Variants in PRKX observed in about 807,000 individuals in gnomAD.
PRKX encodes protein kinase cAMP-dependent X-linked catalytic subunit.
PRKX carries 12 observed loss-of-function variants against 22.0 expected under a neutral mutation model. The observed-to-expected ratio is 0.54, with a 90% CI of 0.35 to 0.88. The LOEUF (loss-of-function observed/expected upper bound fraction) is 0.88. Among genes scored for constraint, PRKX ranks in the 40% least tolerant of loss-of-function variants. The pLI, the probability that PRKX is intolerant of heterozygous loss-of-function variation, is 0.01. For missense variants in PRKX, 217 were observed against 308.0 expected, an observed-to-expected ratio of 0.70 and a Z score of 2.21; for synonymous variants, 134 against 137.7, an observed-to-expected ratio of 0.97 and a Z score of 0.19.
At chrX:3,661,687 T>A (rs1172144963) in intron 2 of PRKX, among the ~76,000 whole-genome samples, 1 of 111,719 alleles carries the variant, frequency 9.0e-6, no homozygotes. Context: ...AAAGAGATAC[T>A]GACTTTACTA....
At chrX:3,644,240 A>G (rs1323531342) in intron 3 of PRKX, among the ~76,000 whole-genome samples, 1 of 102,450 alleles carries the variant, frequency 9.8e-6, no homozygotes, top group Non-Finnish European at 2.0e-5. Context: ...TTTACAAAAA[A>G]AAAAAAAAAA....
At chrX:3,609,738 G>A (rs1323778019) in intron 8 of PRKX, among the ~76,000 whole-genome samples, 3 of 111,764 alleles carry the variant, frequency 2.7e-5, no homozygotes, top group Non-Finnish European at 5.6e-5. Flanking sequence ...TTACAGGTAG[G>A]AGCCACCACA....
chrX:3,619,219 G>A (rs1291500229), intron 6 of PRKX, among the ~76,000 whole-genome samples: 1 of 112,298 alleles, frequency 8.9e-6, no homozygotes, highest in Non-Finnish European at 1.9e-5. Flanking sequence ...CAGAGGAGGA[G>A]ACACAAACAT....
chrX:3,610,139 T>A (rs1926262899), intron 8 of PRKX, among the ~76,000 whole-genome samples: 1 of 112,071 alleles, frequency 8.9e-6, no homozygotes, highest in South Asian at 3.7e-4. Context: ...ATGCCAGGGA[T>A]GTGTTTGGTG....
chrX:3,651,672 C>T (rs1411433711), intron 3 of PRKX, among the ~76,000 whole-genome samples: 1 of 111,479 alleles, frequency 9.0e-6, no homozygotes, highest in African/African-American at 3.3e-5. Flanking sequence ...AAAACTGCCC[C>T]CACATCAAGT....
At chrX:3,703,940 G>A (rs1480036662) in intron 1 of PRKX, among the ~76,000 whole-genome samples, 1 of 110,362 alleles carries the variant, frequency 9.1e-6, no homozygotes, top group African/African-American at 3.3e-5. Context: ...CCAAATTGCT[G>A]GAATTACAGG....
chrX:3,616,890 GAATAA>G (rs201841598), intron 6 of PRKX, among the ~76,000 whole-genome samples: 1 of 111,177 alleles, frequency 9.0e-6, no homozygotes, highest in Non-Finnish European at 1.9e-5. Context: ...GTGAATAAGA[GAATAA>G]AATAAATTTT....
At chrX:3,617,752 G>A (rs1291409328) in intron 6 of PRKX, among the ~76,000 whole-genome samples, 1 of 111,097 alleles carries the variant, frequency 9.0e-6, no homozygotes, top group Admixed American at 9.7e-5. Flanking sequence ...TGTTGCTCCT[G>A]TAAGATTATA....
chrX:3,666,021 T>G (rs1309044960), intron 2 of PRKX, among the ~76,000 whole-genome samples: 14 of 109,423 alleles, frequency 1.3e-4, no homozygotes, highest in Non-Finnish European at 2.5e-4. Flanking sequence ...TTCTGTTTTT[T>G]TTTTTTTGAG....
intron 3 of PRKX, among the ~76,000 whole-genome samples, chrX:3,650,520 C>CAAAAAAA (rs748871957): frequency 1.6e-4 from 6 of 37,831 alleles, no homozygotes; most frequent in Non-Finnish European, 2.1e-4. Flanking sequence ...GACTCCTCTC[C>CAAAAAAA]AAAAAAAAAA....
chrX:3,652,095 A>G (rs1927344342), intron 3 of PRKX, among the ~76,000 whole-genome samples: 1 of 110,652 alleles, frequency 9.0e-6, no homozygotes, highest in Non-Finnish European at 1.9e-5. Context: ...GACTTGGGGT[A>G]AAGGGTGGGA....
rs1309743527 is a variant in PRKX, at chrX:3,713,072, G to A, written c.166+16C>T. The stretch of plus-strand genomic sequence containing the variant: ...GCGCGCCCCTGTGGGCCGAGTCCCC[G>A]CCCGCACTCACTCACCCACGGTGGC... On this transcript the variant is annotated intron_variant, in intron 1 of 8. Coordinates refer to ENST00000262848, the MANE Select transcript of PRKX (RefSeq NM_005044.5). 3.5e-6 allele frequency: 4 copies of A among 1,155,572 alleles called. No homozygotes were observed. The highest frequency in any genetic ancestry group is 3.7e-5 in the African/African-American group (2 of 54,212).
intron 1 of PRKX, among the ~76,000 whole-genome samples, chrX:3,708,966 A>G (rs1483629642): frequency 1.8e-5 from 2 of 110,156 alleles, no homozygotes; most frequent in East Asian, 5.7e-4. Context: ...GTAAAACTGC[A>G]CAGAACTCTA....
intron 2 of PRKX, among the ~76,000 whole-genome samples, chrX:3,661,351 A>C (rs1927590167): frequency 8.9e-6 from 1 of 111,789 alleles, no homozygotes; most frequent in South Asian, 3.7e-4. Flanking sequence ...TCACACCTGT[A>C]ATCCCAGCAC....
At chrX:3,648,254 C>T (rs1927230770) in intron 3 of PRKX, among the ~76,000 whole-genome samples, 1 of 111,313 alleles carries the variant, frequency 9.0e-6, no homozygotes, top group South Asian at 3.8e-4. Context: ...AGCTCAAAAG[C>T]CCCCAAGATG....
intron 2 of PRKX, among the ~76,000 whole-genome samples, chrX:3,660,490 C>A (rs925823956): frequency 1.8e-5 from 2 of 111,782 alleles, no homozygotes; most frequent in African/African-American, 6.5e-5. Flanking sequence ...CACACACATA[C>A]AAACACACTC....
intron 1 of PRKX, among the ~76,000 whole-genome samples, chrX:3,698,091 T>G (rs1261946387): frequency 8.9e-6 from 1 of 111,902 alleles, no homozygotes; most frequent in South Asian, 3.7e-4. Flanking sequence ...AGCAGGTGGG[T>G]GGGCCAGCCG....
At chrX:3,700,977 G>A (rs1431461860) in intron 1 of PRKX, among the ~76,000 whole-genome samples, 2 of 112,250 alleles carry the variant, frequency 1.8e-5, no homozygotes, top group African/African-American at 3.2e-5. Flanking sequence ...ACGAACTAAA[G>A]AAAAGCTTTA....
intron 1 of PRKX, among the ~76,000 whole-genome samples, chrX:3,684,571 A>C (rs144656617): frequency 9.0e-6 from 1 of 111,664 alleles, no homozygotes; most frequent in East Asian, 2.8e-4. Context: ...TAATTGTGGC[A>C]GACTTCTATG....
Sources: gnomAD v4.1 joint callset for allele counts (sites outside exome capture counted in the v4.1 genomes callset) on GRCh38, gnomAD v4.1.1 for gene constraint, MANE v1.5 for transcripts, NCBI Gene and HGNC (gene_info 2026-07-23, HGNC 2026-07-21) for gene names.